The following RABL2A variants were observed in gnomAD, a reference collection of about 807,000 sequenced individuals.
The protein encoded by RABL2A is RAB, member of RAS oncogene family like 2A.
RABL2A carries 17 observed loss-of-function variants against 30.7 expected under a neutral mutation model. The ratio of observed to expected loss-of-function variants is 0.55; its 90% CI spans 0.38 to 0.83. The LOEUF (loss-of-function observed/expected upper bound fraction) is 0.83. RABL2A is among the 40% of genes least tolerant of loss of function. The pLI is 0.00. For synonymous variants in RABL2A, 64 were observed against 101.8 expected, an observed-to-expected ratio of 0.63 and a Z score of 2.24; for missense variants, 155 against 272.6, an observed-to-expected ratio of 0.57 and a Z score of 3.04.
intron 2 of RABL2A, among the ~76,000 whole-genome samples, chr2:113,629,518 C>T (rs1311248093): frequency 6.6e-6 from 1 of 151,800 alleles, no homozygotes; most frequent in Non-Finnish European, 1.5e-5. Context: ...CAATCACACA[C>T]TGCAGCTCTG....
At chr2:113,632,362 G>T (rs1680699153) in intron 2 of RABL2A, among the ~76,000 whole-genome samples, 1 of 152,198 alleles carries the variant, frequency 6.6e-6, no homozygotes, top group African/African-American at 2.4e-5. Flanking sequence ...ACCACATTCA[G>T]AATAGATGGT....
Position 113,643,112 on chromosome 2 carries a change from G to A in RABL2A, c.*983G>A, listed in dbSNP as rs1685731523. ...CGAGTCCTTACAGCCATACCACAAGGTACGTCCATTTGGACTACAAGAAGA... is the reference window on the plus strand; with the variant it reads ...CGAGTCCTTACAGCCATACCACAAGATACGTCCATTTGGACTACAAGAAGA... On this transcript the variant is annotated 3_prime_UTR_variant, in exon 9 of 9. Coordinates refer to ENST00000683472, the MANE Select transcript of RABL2A (RefSeq NM_001306158.2). The A allele has an allele frequency of 4.4e-6, 2 of 453,954 alleles. No individual in the cohort carries two copies. Among genetic ancestry groups the A allele is most frequent in the African/African-American group, 2.0e-5 (1 of 49,968 alleles). 28.1% of individuals were successfully genotyped at this position (453,954 alleles called of 1,614,324 possible).
intron 2 of RABL2A, among the ~76,000 whole-genome samples, chr2:113,628,917 G>A (rs1679167545): frequency 1.3e-5 from 2 of 152,092 alleles, no homozygotes; most frequent in Non-Finnish European, 2.9e-5. Flanking sequence ...TAAGGACTGA[G>A]GAATTTGAAT....
At chr2:113,630,958 G>C (rs1680105178) in intron 2 of RABL2A, among the ~76,000 whole-genome samples, 1 of 151,932 alleles carries the variant, frequency 6.6e-6, no homozygotes, top group Non-Finnish European at 1.5e-5. Context: ...AGTACAGTGG[G>C]GCAATCTCGG....
intron 5 of RABL2A, among the ~76,000 whole-genome samples, chr2:113,639,486 G>C (rs902750447): frequency 6.6e-6 from 1 of 151,882 alleles, no homozygotes; most frequent in Non-Finnish European, 1.5e-5. Flanking sequence ...GCCAGGCATG[G>C]TGGTGCGCAC....
At chr2:113,634,619 C>G (rs1372163593) in intron 4 of RABL2A, 3 of 407,934 alleles carry the variant, frequency 7.4e-6, no homozygotes, top group Non-Finnish European at 1.4e-5. Flanking sequence ...TTATCTCCCA[C>G]ATCGGGCTGC....
chr2:113,634,089 C>T (rs1251291279), intron 3 of RABL2A, 64 bp from the exon 4 acceptor site: 2 of 1,553,900 alleles, frequency 1.3e-6, no homozygotes, highest in East Asian at 4.9e-5. Context: ...AAACCAAACA[C>T]CCCTGCTCCC....
At position 113,629,173 on chromosome 2, in the gene RABL2A, C is replaced by T. The variant is rs1484311494; in HGVS notation, c.107+460C>T. 4.6e-5 allele frequency among the ~76,000 whole-genome samples: 7 copies of T among 152,094 alleles called. No homozygotes were observed. In the South Asian group the frequency reaches 8.3e-4, roughly 18 times the overall value. Reference sequence around the variant, plus strand: ...ACTGGCTTCTTCTTGTAATGAATTTCGGTGCCTACATGCCACCTGGAGAGG... The same window carrying T: ...ACTGGCTTCTTCTTGTAATGAATTTTGGTGCCTACATGCCACCTGGAGAGG... On this transcript the variant is annotated intron_variant, in intron 2 of 8. Transcript: ENST00000683472.
intron 6 of RABL2A, 135 bp downstream of exon 6, chr2:113,641,140 G>T: frequency 1.0e-6 from 1 of 969,858 alleles, no homozygotes; most frequent in Non-Finnish European, 1.5e-6. Context: ...CCCTTGGTTG[G>T]TTGCTTGCAT....
chr2:113,635,395 G>A, intron 5 of RABL2A: 1 of 521,720 alleles, frequency 1.9e-6, no homozygotes, highest in Non-Finnish European at 3.5e-6. Context: ...CATCCAAGAG[G>A]CAAACATGCC....
At chr2:113,632,381 TA>T (rs1680710840) in intron 2 of RABL2A, among the ~76,000 whole-genome samples, 1 of 152,142 alleles carries the variant, frequency 6.6e-6, no homozygotes, top group Non-Finnish European at 1.5e-5. Flanking sequence ...GTCCTCTCAA[TA>T]ACCAATAGAT....
At chr2:113,636,930 A>G (rs1367009088) in intron 5 of RABL2A, among the ~76,000 whole-genome samples, 1 of 151,654 alleles carries the variant, frequency 6.6e-6, no homozygotes, top group Non-Finnish European at 1.5e-5. Context: ...CGGAGCTTGC[A>G]GTGAGCCGAG....
intron 5 of RABL2A, chr2:113,637,552 T>C (rs1683390818): frequency 8.3e-7 from 1 of 1,202,856 alleles, no homozygotes; most frequent in Non-Finnish European, 1.1e-6. Flanking sequence ...CCTTTGCAGA[T>C]GGTAAAGGAA....
Position 113,634,173 on chromosome 2 carries a change from C to G in RABL2A, c.158C>G (p.Thr53Arg). ...MDGFQPQQLS[T>R]YALTLYKHTA... The stretch of plus-strand genomic sequence containing the variant: ...TGCAGTCAGCCACAGCAGCTGTCCA[C>G]GTACGCCCTGACCCTGTACAAGCAC... Residue 53 changes from threonine (T) to arginine (R), a missense_variant, in exon 4 of 9, where the codon ACG becomes AGG. By Grantham distance (71) the Thr-to-Arg change is moderately conservative (BLOSUM62 -1). This residue lies in a region of RABL2A where 82 missense variants were observed against 103.2 expected (regional missense o/e 0.79). Coordinates refer to ENST00000683472, the MANE Select transcript of RABL2A (RefSeq NM_001306158.2). 1 of 1,612,410 alleles carries G rather than the reference C, an allele frequency of 6.2e-7. No homozygotes were observed. The highest frequency in any genetic ancestry group is 1.1e-5 in the South Asian group (1 of 90,642).
chr2:113,627,863 G>T (rs1678708281), intron 1 of RABL2A: 1 of 164,344 alleles, frequency 6.1e-6, no homozygotes, highest in African/African-American at 2.4e-5. Context: ...CAGGGTACAG[G>T]TGAAAGGGGG....
At chr2:113,632,374 C>T (rs1680704050) in intron 2 of RABL2A, among the ~76,000 whole-genome samples, 1 of 152,132 alleles carries the variant, frequency 6.6e-6, no homozygotes, top group African/African-American at 2.4e-5. Flanking sequence ...ATAGATGGTC[C>T]TCTCAATAAC....
chr2:113,637,820 A>C, intron 5 of RABL2A: 1 of 1,279,554 alleles, frequency 7.8e-7, no homozygotes, highest in Non-Finnish European at 1.0e-6. Flanking sequence ...TGCTTCCTGC[A>C]TCTGCTGCAT....
intron 3 of RABL2A, 116 bp downstream of exon 3, chr2:113,633,060 G>T: frequency 3.9e-6 from 6 of 1,532,542 alleles, no homozygotes; most frequent in Non-Finnish European, 5.4e-6. Flanking sequence ...AGGAGGATTG[G>T]GTAAGTGAAC....
At position 113,634,172 on chromosome 2, in the gene RABL2A, A is replaced by G; in HGVS notation, c.157A>G (p.Thr53Ala). 4.3e-6 allele frequency: 7 copies of G among 1,612,408 alleles called. No individual in the cohort carries two copies. Among genetic ancestry groups the G allele is most frequent in the Non-Finnish European group, 5.9e-6 (7 of 1,179,146 alleles). Residue 53 changes from threonine to alanine, a missense_variant, in exon 4 of 9, where the codon ACG (threonine) becomes GCG (alanine). Physicochemically the swap from Thr to Ala is moderately conservative, Grantham distance 58. Transcript: ENST00000683472. ...GTGCAGTCAGCCACAGCAGCTGTCC[A>G]CGTACGCCCTGACCCTGTACAAGCA... is the stretch of plus-strand genomic sequence containing the variant. ...MDGFQPQQLSTYALTLYKHTA... is the reference protein window; with the variant it reads ...MDGFQPQQLSAYALTLYKHTA...
Sources: gnomAD v4.1 joint callset for allele counts (sites outside exome capture counted in the v4.1 genomes callset) on GRCh38, gnomAD v4.1.1 for gene constraint, gnomAD v4.1.1 regional missense constraint, MANE v1.5 for transcripts, NCBI Gene and HGNC (gene_info 2026-07-23, HGNC 2026-07-21) for gene names.